The following DPP10 variants were observed in gnomAD, a reference collection of about 807,000 sequenced individuals.
DPP10 encodes the protein dipeptidyl peptidase like 10, also known as inactive dipeptidyl peptidase 10.
Under a neutral mutation model 120.9 loss-of-function variants are expected in DPP10, and 33 were observed. The ratio of observed to expected loss-of-function variants is 0.27; its 90% CI spans 0.21 to 0.37. The LOEUF (loss-of-function observed/expected upper bound fraction) is 0.37, where lower values mean the gene tolerates loss of function less well. DPP10 is among the 10% of genes least tolerant of loss of function. DPP10 has a pLI of 1.00. For synonymous variants in DPP10, 337 were observed against 326.1 expected, an observed-to-expected ratio of 1.03 and a Z score of -0.36; for missense variants, 816 against 942.8, an observed-to-expected ratio of 0.87 and a Z score of 1.76.
At chr2:114,466,823 C>A (rs1265407140) in intron 1 of DPP10, among the ~76,000 whole-genome samples, 1 of 151,990 alleles carries the variant, frequency 6.6e-6, no homozygotes, top group Non-Finnish European at 1.5e-5. Context: ...GTGGGTGGGT[C>A]GCTTGAGGTC....
chr2:114,662,329 CGGGGGCGCGGGCACCGCTGCGCG>C (rs1324053289), intron 1 of DPP10, among the ~76,000 whole-genome samples: 1 of 152,160 alleles, frequency 6.6e-6, no homozygotes, highest in Non-Finnish European at 1.5e-5. Flanking sequence ...GGCCTCCCTG[CGGGGGCGCGGGCACCGCTGCGCG>C]GGGAGCTCCG....
At chr2:115,378,195 T>C (rs1333778086) in intron 3 of DPP10, among the ~76,000 whole-genome samples, 1 of 152,176 alleles carries the variant, frequency 6.6e-6, no homozygotes, top group Non-Finnish European at 1.5e-5. Context: ...GCATGGAATG[T>C]CCTTCCATTT....
intron 5 of DPP10, among the ~76,000 whole-genome samples, chr2:115,546,100 T>G (rs2079483983): frequency 6.6e-6 from 1 of 152,128 alleles, no homozygotes; most frequent in Admixed American, 6.6e-5. Flanking sequence ...TGCATTCGGA[T>G]TTGGGAACAT....
intron 5 of DPP10, among the ~76,000 whole-genome samples, chr2:115,676,149 A>G (rs1209337820): frequency 2.6e-5 from 4 of 152,164 alleles, no homozygotes; most frequent in African/African-American, 9.7e-5. Context: ...GATGCCATGA[A>G]CTTGTGCATT....
intron 13 of DPP10, among the ~76,000 whole-genome samples, chr2:115,775,433 A>G (rs1326303233): frequency 6.6e-6 from 1 of 152,020 alleles, no homozygotes; most frequent in African/African-American, 2.4e-5. Flanking sequence ...ACTATGAATA[A>G]CTTTACATTG....
chr2:115,554,996 C>G (rs1320518354), intron 5 of DPP10, among the ~76,000 whole-genome samples: 1 of 152,034 alleles, frequency 6.6e-6, no homozygotes, highest in Non-Finnish European at 1.5e-5. Flanking sequence ...CTGTTGAGTA[C>G]TGGGAGAAAA....
At chr2:115,130,509 C>CATCT (rs2050295494) in intron 1 of DPP10, among the ~76,000 whole-genome samples, 1 of 148,076 alleles carries the variant, frequency 6.8e-6, no homozygotes, top group African/African-American at 2.5e-5. Flanking sequence ...TCTATCCATC[C>CATCT]ATCCATCCAT....
At chr2:115,435,027 C>T (rs1232423799) in intron 3 of DPP10, among the ~76,000 whole-genome samples, 1 of 142,260 alleles carries the variant, frequency 7.0e-6, no homozygotes, top group Non-Finnish European at 1.5e-5. Flanking sequence ...TTATGGCTGA[C>T]TAATATTTCT....
intron 5 of DPP10, among the ~76,000 whole-genome samples, chr2:115,596,509 A>G (rs1320648763): frequency 2.0e-5 from 3 of 152,122 alleles, no homozygotes; most frequent in South Asian, 2.1e-4. Context: ...AGAGAAACAA[A>G]TCTTCACTTG....
chr2:114,861,450 A>G (rs1689805116), intron 1 of DPP10, among the ~76,000 whole-genome samples: 1 of 152,222 alleles, frequency 6.6e-6, no homozygotes, highest in Non-Finnish European at 1.5e-5. Flanking sequence ...GAAAAGTACC[A>G]TATATTTTCT....
intron 5 of DPP10, among the ~76,000 whole-genome samples, chr2:115,606,613 A>G (rs1479030207): frequency 6.6e-6 from 1 of 152,268 alleles, no homozygotes; most frequent in African/African-American, 2.4e-5. Context: ...AAGTGAACCT[A>G]GGAATTCTGA....
chr2:115,206,420 A>G (rs2056134009), intron 1 of DPP10, among the ~76,000 whole-genome samples: 1 of 152,174 alleles, frequency 6.6e-6, no homozygotes, highest in African/African-American at 2.4e-5. Context: ...GGTACATGTG[A>G]GAAACTGCCG....
chr2:115,410,741 AC>A (rs2068890056), intron 3 of DPP10, among the ~76,000 whole-genome samples: 1 of 152,224 alleles, frequency 6.6e-6, no homozygotes, highest in Admixed American at 6.5e-5. Flanking sequence ...TGATGTGTGC[AC>A]CAAAATCTCC....
chr2:114,754,174 C>T (rs1307250630), intron 1 of DPP10, among the ~76,000 whole-genome samples: 1 of 152,032 alleles, frequency 6.6e-6, no homozygotes, highest in African/African-American at 2.4e-5. Flanking sequence ...AAGCCAACTG[C>T]TAATCATGGG....
intron 5 of DPP10, among the ~76,000 whole-genome samples, chr2:115,615,402 C>T (rs948731186): frequency 6.6e-6 from 1 of 152,064 alleles, no homozygotes; most frequent in East Asian, 1.9e-4. Flanking sequence ...TTGTCTCATT[C>T]GATGGACTTA....
chr2:114,662,330 G>A (rs932648099), intron 1 of DPP10, among the ~76,000 whole-genome samples: 1 of 152,180 alleles, frequency 6.6e-6, no homozygotes. Flanking sequence ...GCCTCCCTGC[G>A]GGGGCGCGGG....
At chr2:114,644,659 A>G (rs1695984650) in intron 1 of DPP10, among the ~76,000 whole-genome samples, 1 of 151,834 alleles carries the variant, frequency 6.6e-6, no homozygotes, top group Non-Finnish European at 1.5e-5. Flanking sequence ...AGCCTTTAGA[A>G]AAGGCCTGTT....
At chr2:115,299,240 G>A (rs2061018451) in intron 1 of DPP10, among the ~76,000 whole-genome samples, 2 of 152,018 alleles carry the variant, frequency 1.3e-5, no homozygotes, top group African/African-American at 4.8e-5. Flanking sequence ...ATAAAAAGTG[G>A]TATTGAATGA....
intron 1 of DPP10, among the ~76,000 whole-genome samples, chr2:114,807,122 C>T (rs1684801196): frequency 6.6e-6 from 1 of 152,090 alleles, no homozygotes; most frequent in African/African-American, 2.4e-5. Flanking sequence ...AAATACACTG[C>T]TTAACTAATT....
Sources: gnomAD v4.1 joint callset for allele counts (sites outside exome capture counted in the v4.1 genomes callset) on GRCh38, gnomAD v4.1.1 for gene constraint, MANE v1.5 for transcripts, NCBI Gene and HGNC (gene_info 2026-07-23, HGNC 2026-07-21) for gene names.